PARD3: variants seen among roughly 807,000 people sequenced by gnomAD.
PARD3 encodes the protein par-3 family cell polarity regulator.
A neutral mutation model predicts 155.4 loss-of-function variants in PARD3; 75 were observed. The observed-to-expected ratio is 0.48, with a 90% CI of 0.40 to 0.58. The LOEUF (loss-of-function observed/expected upper bound fraction) is 0.58, where lower values mean the gene tolerates loss of function less well. Ranked by LOEUF, PARD3 falls within the 20% of genes least tolerant of loss-of-function variation. The pLI, the probability that PARD3 is intolerant of heterozygous loss-of-function variation, is 0.00. For synonymous variants in PARD3, 576 were observed against 610.5 expected, an observed-to-expected ratio of 0.94 and a Z score of 0.83; for missense variants, 1,642 against 1,721.7, an observed-to-expected ratio of 0.95 and a Z score of 0.82.
In PARD3 at chr10:34,470,279, C is replaced by A; in HGVS notation, c.404-16G>T. 4 of 1,540,482 alleles carry A rather than the reference C, an allele frequency of 2.6e-6. No homozygotes were observed. Among genetic ancestry groups the A allele is most frequent in the Non-Finnish European group, 2.6e-6 (3 of 1,140,138 alleles). ...AGAGGCATATCTGTAAACACAAAAG[C>A]ACTATGCTGAAAAATAAGATACTAA... On this transcript the variant is annotated splice_polypyrimidine_tract_variant and intron_variant, in intron 3 of 24. Coordinates refer to ENST00000374788, the MANE Select transcript of PARD3 (RefSeq NM_001184785.2).
chr10:34,171,950 C>CAAAAAAAAA lies in PARD3; in HGVS notation c.3420-40376_3420-40368dup, dbSNP rs71033303. On this transcript the variant is annotated intron_variant, in intron 22 of 24. Coordinates refer to ENST00000374788, the MANE Select transcript of PARD3 (RefSeq NM_001184785.2). ...GGGTGACAGAGATGAGACTCCATCT[C>CAAAAAAAAA]AAAAAAAAAAAAAAAAAAAAAAAAA... 1.5e-4 allele frequency among the ~76,000 whole-genome samples: 7 copies of CAAAAAAAAA among 47,248 alleles called. 1 individual carries two copies. Among genetic ancestry groups the CAAAAAAAAA allele is most frequent in the South Asian group, 1.4e-3 (1 of 714 alleles). 31.0% of individuals were successfully genotyped at this position (47,248 alleles called of 152,430 possible). A position where few individuals can be genotyped will look rare whatever the true frequency, so the allele number is the denominator to read the frequency against.
chr10:34,117,442 G>A (rs1413053252), intron 24 of PARD3, among the ~76,000 whole-genome samples: 1 of 152,186 alleles, frequency 6.6e-6, no homozygotes, highest in African/African-American at 2.4e-5. Flanking sequence ...GAGGGCAGTG[G>A]GGAGGGGGCA....
intron 3 of PARD3, among the ~76,000 whole-genome samples, chr10:34,481,068 C>G (rs982345486): frequency 6.6e-6 from 1 of 152,112 alleles, no homozygotes; most frequent in African/African-American, 2.4e-5. Context: ...TCCCAAAGTG[C>G]TGGGGTTACA....
intron 20 of PARD3, among the ~76,000 whole-genome samples, chr10:34,307,721 C>T (rs1355187758): frequency 6.6e-6 from 1 of 152,132 alleles, no homozygotes; most frequent in Admixed American, 6.5e-5. Flanking sequence ...GACACAGAGG[C>T]AGAGAATGGC....
In PARD3 at chr10:34,470,228, C is replaced by T; in HGVS notation, c.439G>A (p.Ala147Thr). The T allele has an allele frequency of 6.2e-7, 1 of 1,612,134 alleles. No individual in the cohort carries two copies. Among genetic ancestry groups the T allele is most frequent in the Non-Finnish European group, 8.5e-7 (1 of 1,179,068 alleles). ...ACAGAAGTGGAGAGGCCAATTAGAG[C>T]TGGGTCACTACTGCGTCGAACATGA... ...PLHVRRSSDP[A>T]LIGLSTSVSD... is the part of the protein sequence containing the mutation. Residue 147 changes from alanine to threonine, a missense_variant, in exon 4 of 25, where the codon GCT becomes ACT. Transcript: ENST00000374788.
At chr10:34,424,510 T>C (rs981151141) in intron 5 of PARD3, among the ~76,000 whole-genome samples, 5 of 152,026 alleles carry the variant, frequency 3.3e-5, no homozygotes, top group Admixed American at 2.6e-4. Context: ...TTTACATTTT[T>C]TATTTATTTA....
At chr10:34,313,857 T>G (rs1439583789) in intron 20 of PARD3, among the ~76,000 whole-genome samples, 1 of 152,130 alleles carries the variant, frequency 6.6e-6, no homozygotes, top group Non-Finnish European at 1.5e-5. Flanking sequence ...TCAGGCAGAC[T>G]AAAGAGAACA....
chr10:34,689,934 G>GTTATTTAT (rs199639601), intron 2 of PARD3, among the ~76,000 whole-genome samples: 18 of 89,164 alleles, frequency 2.0e-4, no homozygotes, highest in African/African-American at 7.4e-4. Flanking sequence ...ATTTTTACAT[G>GTTATTTAT]TTATTTATTT....
intron 2 of PARD3, among the ~76,000 whole-genome samples, chr10:34,665,840 AAGAAC>A (rs60764123): frequency 0.2 from 26,806 of 136,440 alleles, 2,678 homozygotes; most frequent in South Asian, 0.29. Flanking sequence ...GTCTCAATTA[AAGAAC>A]AGAACAGAAC....
At chr10:34,802,557 T>C (rs1842921296) in intron 1 of PARD3, among the ~76,000 whole-genome samples, 1 of 152,190 alleles carries the variant, frequency 6.6e-6, no homozygotes, top group Admixed American at 6.5e-5. Context: ...TTGTATTATG[T>C]GTCAAAGCTT....
intron 23 of PARD3, 46 bp downstream of exon 23, chr10:34,131,417 G>A (rs191611347): frequency 2.4e-4 from 382 of 1,611,150 alleles, no homozygotes; most frequent in Admixed American, 9.2e-4. Flanking sequence ...CTTTGCTGCA[G>A]GGAAGTTGTA....
chr10:34,798,187 G>A (rs1401352260), intron 1 of PARD3, among the ~76,000 whole-genome samples: 2 of 152,172 alleles, frequency 1.3e-5, no homozygotes, highest in East Asian at 1.9e-4. Context: ...TAATGAGCTG[G>A]GCATGGTAGC....
At chr10:34,425,415 G>T (rs1026008407) in intron 5 of PARD3, among the ~76,000 whole-genome samples, 1 of 152,048 alleles carries the variant, frequency 6.6e-6, no homozygotes, top group East Asian at 1.9e-4. Context: ...CCACCAATTT[G>T]CTTTTCTTTT....
At chr10:34,799,835 A>C (rs527478356) in intron 1 of PARD3, among the ~76,000 whole-genome samples, 1 of 151,950 alleles carries the variant, frequency 6.6e-6, no homozygotes, top group East Asian at 1.9e-4. Flanking sequence ...TACAAAAAAA[A>C]AAAACAAGTT....
chr10:34,408,561 T>C (rs1338533232), intron 5 of PARD3, among the ~76,000 whole-genome samples: 1 of 152,188 alleles, frequency 6.6e-6, no homozygotes, highest in South Asian at 2.1e-4. Context: ...ACAAATAGGA[T>C]TGCAGAAGGC....
chr10:34,588,488 G>A (rs956563018), intron 2 of PARD3, among the ~76,000 whole-genome samples: 25 of 152,144 alleles, frequency 1.6e-4, no homozygotes, highest in African/African-American at 5.8e-4. Flanking sequence ...ATCACCCGGC[G>A]CTTCAAGAAA....
intron 2 of PARD3, among the ~76,000 whole-genome samples, chr10:34,552,043 G>T (rs2084621981): frequency 6.6e-6 from 1 of 152,160 alleles, no homozygotes; most frequent in African/African-American, 2.4e-5. Context: ...TTAGGCAGTA[G>T]CATCTCTAAA....
intron 22 of PARD3, among the ~76,000 whole-genome samples, chr10:34,149,096 A>G (rs1948660761): frequency 6.6e-6 from 1 of 152,140 alleles, no homozygotes; most frequent in Non-Finnish European, 1.5e-5. Flanking sequence ...GCTGAATCTT[A>G]TAATTGATTA....
intron 1 of PARD3, among the ~76,000 whole-genome samples, chr10:34,728,468 C>A (rs1181453369): frequency 6.6e-6 from 1 of 152,162 alleles, no homozygotes; most frequent in Non-Finnish European, 1.5e-5. Flanking sequence ...AAAAAAACAC[C>A]AAACCTCTCT....
Sources: allele counts gnomAD v4.1 joint callset (sites outside exome capture counted in the v4.1 genomes callset), GRCh38; gene constraint gnomAD v4.1.1; transcripts MANE v1.5; gene names NCBI Gene and HGNC (gene_info 2026-07-23, HGNC 2026-07-21).